Variants in CYP7B1 observed in about 807,000 individuals in gnomAD.
The protein encoded by CYP7B1 is cytochrome P450 7B1.
In CYP7B1, 29 loss-of-function variants were observed where a neutral mutation model predicts 42.7. The observed-to-expected ratio is 0.68, with a 90% CI of 0.51 to 0.93. The LOEUF (loss-of-function observed/expected upper bound fraction) is 0.93. Ranked by LOEUF, CYP7B1 falls within the 40% of genes least tolerant of loss-of-function variation. CYP7B1 has a pLI of 0.00. For missense variants in CYP7B1, 655 were observed against 600.5 expected (o/e 1.09, Z -0.95); for synonymous variants, 235 against 218.2 (o/e 1.08, Z -0.68).
chr8:64,668,326 G>T (rs532466038), intron 1 of CYP7B1, among the ~76,000 whole-genome samples: 1 of 152,220 alleles, frequency 6.6e-6, no homozygotes, highest in East Asian at 1.9e-4. Flanking sequence ...CAAATAAAAT[G>T]CAGTAAAAAC....
chr8:64,744,685 C>T (rs1348068490), intron 1 of CYP7B1, among the ~76,000 whole-genome samples: 3 of 152,056 alleles, frequency 2.0e-5, no homozygotes, highest in African/African-American at 7.2e-5. Flanking sequence ...CTCTGCAAAC[C>T]CATGAATTGT....
chr8:64,765,446 A>G (rs903562437), intron 1 of CYP7B1, among the ~76,000 whole-genome samples: 1 of 152,156 alleles, frequency 6.6e-6, no homozygotes, highest in Non-Finnish European at 1.5e-5. Flanking sequence ...TGATGGGGCA[A>G]CTGGGCTGTT....
chr8:64,773,857 A>G (rs1804277334), intron 1 of CYP7B1, among the ~76,000 whole-genome samples: 1 of 152,192 alleles, frequency 6.6e-6, no homozygotes, highest in East Asian at 1.9e-4. Context: ...CACTCTCACA[A>G]TAAATAACCC....
chr8:64,596,989 C>G, intron 5 of CYP7B1, 60 bp from the exon 6 acceptor site: 1 of 1,444,300 alleles, frequency 6.9e-7, no homozygotes. Context: ...AGTTCAAGTC[C>G]ACAAAGTTGC....
chr8:64,627,646 G>T (rs1022648064), intron 1 of CYP7B1, among the ~76,000 whole-genome samples: 2 of 152,156 alleles, frequency 1.3e-5, no homozygotes, highest in Non-Finnish European at 2.9e-5. Context: ...AAATCCAGGG[G>T]ATATTAACTT....
intron 1 of CYP7B1, among the ~76,000 whole-genome samples, chr8:64,743,152 A>G (rs1343098385): frequency 6.6e-6 from 1 of 152,190 alleles, no homozygotes; most frequent in Non-Finnish European, 1.5e-5. Context: ...AAAAAAACAA[A>G]CAAAACATTT....
chr8:64,747,936 A>G (rs1305707118), intron 1 of CYP7B1, among the ~76,000 whole-genome samples: 4 of 152,094 alleles, frequency 2.6e-5, no homozygotes, highest in Non-Finnish European at 5.9e-5. Flanking sequence ...AAAAACTTGC[A>G]GGGGAGGAAC....
At chr8:64,598,050 A>G (rs1029111550) in intron 5 of CYP7B1, among the ~76,000 whole-genome samples, 1 of 152,150 alleles carries the variant, frequency 6.6e-6, no homozygotes, top group Non-Finnish European at 1.5e-5. Context: ...ATTTCCTTTA[A>G]AACTATTAGG....
intron 1 of CYP7B1, among the ~76,000 whole-genome samples, chr8:64,626,837 T>G (rs1805616880): frequency 6.6e-6 from 1 of 152,218 alleles, no homozygotes; most frequent in South Asian, 2.1e-4. Context: ...CTACATGCAG[T>G]GCAACTCATT....
At chr8:64,611,383 A>G (rs1317334213) in intron 4 of CYP7B1, among the ~76,000 whole-genome samples, 1 of 152,182 alleles carries the variant, frequency 6.6e-6, no homozygotes, top group Non-Finnish European at 1.5e-5. Flanking sequence ...ATGACATGAA[A>G]CAATGTCTAT....
chr8:64,659,799 G>A (rs1806174245), intron 1 of CYP7B1, among the ~76,000 whole-genome samples: 1 of 152,180 alleles, frequency 6.6e-6, no homozygotes, highest in Admixed American at 6.5e-5. Context: ...TGAGGTACCT[G>A]TGGGCAAAAC....
intron 4 of CYP7B1, among the ~76,000 whole-genome samples, chr8:64,605,135 G>A (rs568773762): frequency 6.6e-6 from 1 of 152,266 alleles, no homozygotes; most frequent in South Asian, 2.1e-4. Context: ...AGGAGAGGGT[G>A]ATCTGCTAGA....
At chr8:64,767,460 G>A (rs1165961697) in intron 1 of CYP7B1, among the ~76,000 whole-genome samples, 6 of 152,210 alleles carry the variant, frequency 3.9e-5, no homozygotes, top group Admixed American at 1.3e-4. Context: ...CCAAGCCCCA[G>A]TACTCAGCAG....
chr8:64,626,426 G>C (rs998469420), intron 1 of CYP7B1, among the ~76,000 whole-genome samples: 2 of 152,096 alleles, frequency 1.3e-5, no homozygotes, highest in African/African-American at 4.8e-5. Context: ...ATAATCAGAA[G>C]AGAAATAATA....
chr8:64,627,909 A>G lies in CYP7B1; in HGVS notation c.123-3370T>C, dbSNP rs571809577. ...TTATTTAGGGAGGAAAGACATCACC[A>G]TAATGATCGAGAAAGGCCTGATGAC... is the stretch of plus-strand genomic sequence containing the variant. On this transcript the variant is annotated intron_variant, in intron 1 of 5. Transcript: ENST00000310193. Among the ~76,000 whole-genome samples, 10 of 152,338 alleles carry G rather than the reference A, an allele frequency of 6.6e-5. 1 individual carries two copies. Among genetic ancestry groups the G allele is most frequent in the Admixed American group, 5.9e-4 (9 of 15,306 alleles).
chr8:64,624,951 CTTTTTTTTTTTTTTTTTTTTTTTT>C (rs71260892), intron 1 of CYP7B1, among the ~76,000 whole-genome samples: 3 of 54,062 alleles, frequency 5.5e-5, no homozygotes, highest in Non-Finnish European at 9.0e-5. Context: ...TTATATCATT[CTTTTTTTTTTTTTTTTTTTTTTTT>C]TTTTTTTTTT....
intron 1 of CYP7B1, among the ~76,000 whole-genome samples, chr8:64,711,685 TG>T (rs1182209011): frequency 6.6e-6 from 1 of 152,184 alleles, no homozygotes. Flanking sequence ...GGCACCCTTG[TG>T]GGGGTTATTT....
In CYP7B1 at chr8:64,596,614, A is replaced by G; in HGVS notation, c.*28T>C. 6.3e-7 allele frequency: 1 copy of G among 1,583,510 alleles called. No individual in the cohort carries two copies. Among genetic ancestry groups the G allele is most frequent in the Non-Finnish European group, 8.6e-7 (1 of 1,157,920 alleles). ...TTAGGATGTTTAGGGTAATTTTGAT[A>G]GATTTATTTTCTTTCCTTTTAGCTT... On this transcript the variant is annotated 3_prime_UTR_variant, in exon 6 of 6. Coordinates refer to ENST00000310193, the MANE Select transcript of CYP7B1 (RefSeq NM_004820.5).
At chr8:64,763,173 C>T (rs1484921672) in intron 1 of CYP7B1, among the ~76,000 whole-genome samples, 1 of 152,196 alleles carries the variant, frequency 6.6e-6, no homozygotes, top group Non-Finnish European at 1.5e-5. Context: ...TCCAGCAAGG[C>T]GCCCATTGCT....
Sources: gnomAD v4.1 joint callset for allele counts (sites outside exome capture counted in the v4.1 genomes callset) on GRCh38, gnomAD v4.1.1 for gene constraint, MANE v1.5 for transcripts, NCBI Gene and HGNC (gene_info 2026-07-23, HGNC 2026-07-21) for gene names.